Variants in CGNL1 observed in about 807,000 individuals in gnomAD.
CGNL1 encodes the protein cingulin like 1, also known as cingulin-like protein 1.
CGNL1 carries 132 observed loss-of-function variants against 141.2 expected under a neutral mutation model. That is an observed-to-expected ratio of 0.93 (90% CI 0.81 to 1.08). The LOEUF (loss-of-function observed/expected upper bound fraction) is 1.08. Among genes scored for constraint, CGNL1 ranks in the 50% least tolerant of loss-of-function variants. The pLI, the probability that CGNL1 is intolerant of heterozygous loss-of-function variation, is 0.00. For synonymous variants in CGNL1, 690 were observed against 622.1 expected, an observed-to-expected ratio of 1.11 and a Z score of -1.63; for missense variants, 1,870 against 1,588.6, an observed-to-expected ratio of 1.18 and a Z score of -3.01.
chr15:57,398,331 T>C (rs189644433), intron 1 of CGNL1: 25 of 152,288 alleles, frequency 1.6e-4, no homozygotes, highest in African/African-American at 6.0e-4. Flanking sequence ...TTTTTTTTCC[T>C]GCAAGCAAGA....
At chr15:57,509,885 A>G (rs930655585) in intron 8 of CGNL1, among the ~76,000 whole-genome samples, 19 of 152,344 alleles carry the variant, frequency 1.2e-4, no homozygotes, top group Middle Eastern at 6.8e-3. Flanking sequence ...TTTTAGAAGA[A>G]TGTTTTTCTT....
intron 4 of CGNL1, among the ~76,000 whole-genome samples, chr15:57,449,375 A>G (rs1825903077): frequency 6.6e-6 from 1 of 152,150 alleles, no homozygotes; most frequent in African/African-American, 2.4e-5. Context: ...GCCACTCTGG[A>G]CACTTTTCTC....
At chr15:57,396,357 C>T (rs1369636729) in intron 1 of CGNL1, among the ~76,000 whole-genome samples, 1 of 151,688 alleles carries the variant, frequency 6.6e-6, no homozygotes, top group Non-Finnish European at 1.5e-5. Context: ...TCACTGCAAC[C>T]TCCACCTCTG....
intron 8 of CGNL1, among the ~76,000 whole-genome samples, chr15:57,485,620 A>C (rs527502838): frequency 6.6e-6 from 1 of 152,368 alleles, no homozygotes; most frequent in African/African-American, 2.4e-5. Flanking sequence ...TTCCCATTCA[A>C]ATTGTAATTG....
At chr15:57,529,074 T>C (rs2031798015) in intron 13 of CGNL1, 2 of 353,344 alleles carry the variant, frequency 5.7e-6, no homozygotes, top group South Asian at 9.3e-5. Context: ...ATGGAACAGA[T>C]TCTCAGGGAC....
rs879675992 is a variant in CGNL1, at chr15:57,550,184, C to A, written c.*2694C>A. On this transcript the variant is annotated 3_prime_UTR_variant, in exon 19 of 19. Transcript: ENST00000281282. ...ACTCTGAGGGAGTTGGCAACGCATG[C>A]GGTATAGTGGAGTGGGAAGAGTTGA... The A allele has an allele frequency of 1.3e-5, 2 of 152,208 alleles. No homozygotes were observed. Among genetic ancestry groups the A allele is most frequent in the Non-Finnish European group, 2.9e-5 (2 of 68,026 alleles). The allele number at this position is 152,208 out of a possible 1,614,324, so 9.4% of individuals were successfully genotyped here. A position where few individuals can be genotyped will look rare whatever the true frequency, so the allele number is the denominator to read the frequency against.
At chr15:57,535,297 G>A (rs2032200440) in intron 14 of CGNL1, among the ~76,000 whole-genome samples, 2 of 152,360 alleles carry the variant, frequency 1.3e-5, no homozygotes, top group Non-Finnish European at 2.9e-5. Flanking sequence ...CTGACCTTGA[G>A]TTGCTACAGT....
At chr15:57,446,973 T>C (rs2063260707) in intron 4 of CGNL1, among the ~76,000 whole-genome samples, 1 of 152,188 alleles carries the variant, frequency 6.6e-6, no homozygotes, top group Non-Finnish European at 1.5e-5. Flanking sequence ...TTTATTCTTC[T>C]CCGAGATTAT....
intron 1 of CGNL1, among the ~76,000 whole-genome samples, chr15:57,434,378 A>C (rs756125311): frequency 1.3e-5 from 2 of 152,192 alleles, no homozygotes; most frequent in Non-Finnish European, 2.9e-5. Context: ...ATGTGATCTA[A>C]AAAATTCAAC....
chr15:57,397,497 T>C (rs1339450738), intron 1 of CGNL1, among the ~76,000 whole-genome samples: 2 of 152,182 alleles, frequency 1.3e-5, no homozygotes, highest in African/African-American at 2.4e-5. Context: ...CTTATTTATT[T>C]TTTGATGTAC....
At chr15:57,471,391 A>G (rs2063579416) in intron 8 of CGNL1, among the ~76,000 whole-genome samples, 1 of 152,296 alleles carries the variant, frequency 6.6e-6, no homozygotes, top group East Asian at 1.9e-4. Context: ...GGTAATTTTT[A>G]ATGACCCTAC....
chr15:57,481,064 G>GTTTTTTTTTTTT (rs11298152), intron 8 of CGNL1, among the ~76,000 whole-genome samples: 4 of 116,084 alleles, frequency 3.4e-5, no homozygotes, highest in Non-Finnish European at 7.0e-5. Context: ...AAGACCTGGG[G>GTTTTTTTTTTTT]TTTTTTTTTT....
At chr15:57,514,171 A>AGATG (rs2030575431) in intron 8 of CGNL1, among the ~76,000 whole-genome samples, 1 of 151,630 alleles carries the variant, frequency 6.6e-6, no homozygotes, top group Admixed American at 6.6e-5. Flanking sequence ...TTATTTTTTG[A>AGATG]GATGGAGTCT....
chr15:57,440,403 G>T lies in CGNL1; in HGVS notation c.1629G>T (p.Gln543His), dbSNP rs2063171660. Residue 543 changes from glutamine (Q) to histidine (H), a missense_variant, in exon 3 of 19, where the codon CAG becomes CAT. By Grantham distance (24) the Gln-to-His change is conservative (BLOSUM62 0). Coordinates refer to ENST00000281282, the MANE Select transcript of CGNL1 (RefSeq NM_032866.5). ...TQATPDLLKG[Q>H]QELTQQTNEE... ...CCACACCGGATCTCTTAAAGGGCCAGCAAGAGCTCACTCAGCAAACCAATG... is the reference window on the plus strand; with the variant it reads ...CCACACCGGATCTCTTAAAGGGCCATCAAGAGCTCACTCAGCAAACCAATG... The T allele has an allele frequency of 1.2e-6, 2 of 1,602,464 alleles. No homozygotes were observed. The highest frequency in any genetic ancestry group is 2.7e-5 in the African/African-American group (2 of 74,824).
At position 57,524,583 on chromosome 15, in the gene CGNL1, G is replaced by C. The variant is rs749940523; in HGVS notation, c.2871G>C (p.Met957Ile). The change falls in exon 12 of 19, where the codon ATG becomes ATC. Residue 957 changes from methionine (M) to isoleucine (I), a missense_variant and splice_region_variant. Transcript: ENST00000281282. ...GKTIEKLQKE[M>I]ADIVEASRTS... is the part of the protein sequence containing the mutation. ...CACACCCGTGTCACTTCTTCTAGAT[G>C]GCAGACATTGTTGAGGCCTCCCGTA... The C allele has an allele frequency of 5.3e-5, 86 of 1,611,966 alleles. No individual in the cohort carries two copies. Among genetic ancestry groups the C allele is most frequent in the Non-Finnish European group, 7.0e-5 (83 of 1,179,336 alleles).
At chr15:57,471,639 G>A (rs1465989114) in intron 8 of CGNL1, among the ~76,000 whole-genome samples, 1 of 152,150 alleles carries the variant, frequency 6.6e-6, no homozygotes, top group Non-Finnish European at 1.5e-5. Context: ...CTTCTGGGGG[G>A]GCCTCCTGCT....
At chr15:57,409,306 G>C (rs2062760045) in intron 1 of CGNL1, among the ~76,000 whole-genome samples, 1 of 152,214 alleles carries the variant, frequency 6.6e-6, no homozygotes, top group South Asian at 2.1e-4. Context: ...GAGGCACATG[G>C]GCTGGAGATG....
At chr15:57,411,942 A>G (rs2062793229) in intron 1 of CGNL1, among the ~76,000 whole-genome samples, 1 of 152,206 alleles carries the variant, frequency 6.6e-6, no homozygotes, top group South Asian at 2.1e-4. Flanking sequence ...GCTTCTTGGA[A>G]AATTCCATCA....
intron 1 of CGNL1, among the ~76,000 whole-genome samples, chr15:57,412,000 C>T (rs1474120254): frequency 1.3e-5 from 2 of 152,176 alleles, no homozygotes; most frequent in African/African-American, 2.4e-5. Flanking sequence ...CATTCAAAGC[C>T]CCGCTAACGT....
Sources: gnomAD v4.1 joint callset for allele counts (sites outside exome capture counted in the v4.1 genomes callset) on GRCh38, gnomAD v4.1.1 for gene constraint, MANE v1.5 for transcripts, NCBI Gene and HGNC (gene_info 2026-07-23, HGNC 2026-07-21) for gene names.